FAM227B: variants seen among roughly 807,000 people sequenced by gnomAD.
FAM227B encodes protein FAM227B.
In FAM227B, 88 loss-of-function variants were observed where a neutral mutation model predicts 73.8. That is an observed-to-expected ratio of 1.19 (90% CI 1.00 to 1.42). The LOEUF (loss-of-function observed/expected upper bound fraction) is 1.42, where lower values mean the gene tolerates loss of function less well. FAM227B is among the 40% of genes most tolerant of loss of function. The pLI is 0.00. For missense variants in FAM227B, 632 were observed against 590.9 expected, an observed-to-expected ratio of 1.07 and a Z score of -0.72; for synonymous variants, 210 against 190.5, an observed-to-expected ratio of 1.10 and a Z score of -0.84.
intron 3 of FAM227B, among the ~76,000 whole-genome samples, chr15:49,599,460 T>C (rs2077062880): frequency 6.6e-6 from 1 of 152,132 alleles, no homozygotes; most frequent in Non-Finnish European, 1.5e-5. Flanking sequence ...ATCTTTGTTA[T>C]TTCCTTCCTT....
At chr15:49,365,951 C>G in intron 13 of FAM227B, 1 of 893,950 alleles carries the variant, frequency 1.1e-6, no homozygotes, top group Admixed American at 1.7e-5. Context: ...ATAACATAAA[C>G]TAACCATTTG....
intron 11 of FAM227B, among the ~76,000 whole-genome samples, chr15:49,384,648 T>C (rs193009694): frequency 1.6e-4 from 24 of 152,138 alleles, no homozygotes; most frequent in Admixed American, 1.6e-3. Flanking sequence ...CAGATTGGCA[T>C]TGTTTTCATT....
At position 49,588,035 on chromosome 15, in the gene FAM227B, T is replaced by C. The variant is rs1400392324; in HGVS notation, c.386A>G (p.His129Arg). Reference sequence around the variant, plus strand: ...CCATACCATTATCTTTTTTTTCTTATGGTACTTCTTTAGAAATTCCCCATA... The same window carrying C: ...CCATACCATTATCTTTTTTTTCTTACGGTACTTCTTTAGAAATTCCCCATA... ...ERYGEFLKKY[H>R]KKKKIMLSDE... Residue 129 changes from histidine (H) to arginine (R), a missense_variant, in exon 5 of 16, where the codon CAT becomes CGT. By Grantham distance (29) the His-to-Arg change is conservative. Coordinates refer to ENST00000299338, the MANE Select transcript of FAM227B (RefSeq NM_152647.3). 5.5e-6 allele frequency: 8 copies of C among 1,449,350 alleles called. No individual in the cohort carries two copies. Among genetic ancestry groups the C allele is most frequent in the East Asian group, 2.5e-5 (1 of 39,510 alleles). The allele number at this position is 1,449,350 out of a possible 1,614,324, so 89.8% of individuals were successfully genotyped here.
At chr15:49,595,073 T>C (rs2076812564) in intron 3 of FAM227B, among the ~76,000 whole-genome samples, 2 of 152,158 alleles carry the variant, frequency 1.3e-5, no homozygotes, top group African/African-American at 2.4e-5. Flanking sequence ...TGTGTTTCCA[T>C]TTGTTTGTGT....
chr15:49,504,033 C>T (rs186874249), intron 11 of FAM227B, among the ~76,000 whole-genome samples: 2,606 of 152,096 alleles, frequency 0.017, 36 homozygotes, highest in Middle Eastern at 0.037. Context: ...AGCCAAATGT[C>T]CAACAATGAT....
chr15:49,360,763 A>G (rs1249713468), intron 13 of FAM227B, among the ~76,000 whole-genome samples: 2 of 152,334 alleles, frequency 1.3e-5, no homozygotes, highest in African/African-American at 2.4e-5. Context: ...TTATATTTAA[A>G]TGTTCTGCTA....
intron 3 of FAM227B, among the ~76,000 whole-genome samples, chr15:49,604,833 C>T (rs1598502848): frequency 6.6e-6 from 1 of 151,850 alleles, no homozygotes; most frequent in South Asian, 2.1e-4. Flanking sequence ...GCTGTTGAAG[C>T]TTTCTATGGA....
chr15:49,604,327 G>C (rs938112458), intron 3 of FAM227B, among the ~76,000 whole-genome samples: 1 of 150,746 alleles, frequency 6.6e-6, no homozygotes, highest in African/African-American at 2.5e-5. Flanking sequence ...AGCCTTGCCA[G>C]GTTATCAAAT....
At chr15:49,482,783 T>C (rs1350317266) in intron 11 of FAM227B, among the ~76,000 whole-genome samples, 2 of 152,072 alleles carry the variant, frequency 1.3e-5, no homozygotes, top group African/African-American at 4.8e-5. Flanking sequence ...AATGAGTTAA[T>C]ACATAAGAGC....
At position 49,508,274 on chromosome 15, in the gene FAM227B, T is replaced by G. The variant is rs772835002; in HGVS notation, c.949A>C (p.Lys317Gln). 4 of 1,611,512 alleles carry G rather than the reference T, an allele frequency of 2.5e-6. No homozygotes were observed. The highest frequency in any genetic ancestry group is 3.4e-6 in the Non-Finnish European group (4 of 1,178,854). Residue 317 changes from lysine (K) to glutamine (Q), a missense_variant, in exon 11 of 16, where the codon AAA becomes CAA. Lys to Gln is a moderately conservative substitution (Grantham distance 53). Transcript: ENST00000299338. Reference protein sequence around the residue: ...ELSTTTIHGSKKAPAKSVKER... With the variant: ...ELSTTTIHGSQKAPAKSVKER... ...TTTACTGATTTTGCAGGTGCTTTTT[T>G]GCTACCATGAATGGTGGTTGTGGAG... is the stretch of plus-strand genomic sequence containing the variant.
chr15:49,491,277 A>C (rs760342108), intron 11 of FAM227B, among the ~76,000 whole-genome samples: 2 of 151,770 alleles, frequency 1.3e-5, no homozygotes, highest in African/African-American at 2.4e-5. Context: ...ATACTGCCTA[A>C]TTCTTTAATC....
intron 10 of FAM227B, among the ~76,000 whole-genome samples, chr15:49,537,710 G>A (rs918867504): frequency 1.3e-5 from 2 of 152,120 alleles, no homozygotes; most frequent in African/African-American, 4.8e-5. Context: ...TTTGGTGTAT[G>A]TGTAAAACAG....
At position 49,339,062 on chromosome 15, in the gene FAM227B, T is replaced by C. The variant is rs942116037; in HGVS notation, c.1272-3566A>G. 2.0e-5 allele frequency among the ~76,000 whole-genome samples: 3 copies of C among 152,330 alleles called. No individual in the cohort carries two copies. The East Asian group carries it at 5.8e-4, about 29-fold the overall frequency. ...TTTCAAGGTTCTTAGCTTGCTTGCA[T>C]TGGGTCAGAACATAACTCCTTTAGC... is the stretch of plus-strand genomic sequence containing the variant. On this transcript the variant is annotated intron_variant, in intron 13 of 15. Transcript: ENST00000299338.
chr15:49,434,997 G>T (rs990246940), intron 11 of FAM227B, among the ~76,000 whole-genome samples: 1 of 151,306 alleles, frequency 6.6e-6, no homozygotes, highest in African/African-American at 2.4e-5. Flanking sequence ...ATGATAAACA[G>T]TATGTTGTGT....
chr15:49,446,657 G>C lies in FAM227B; in HGVS notation c.1012+61554C>G, dbSNP rs1385065945. On this transcript the variant is annotated intron_variant, in intron 11 of 15. Coordinates refer to ENST00000299338, the MANE Select transcript of FAM227B (RefSeq NM_152647.3). The stretch of plus-strand genomic sequence containing the variant: ...TGCAGATGCATTAGGACAACAGTGA[G>C]GAATGGGGATCTCTGTCCTGTCTAG... 2.0e-5 allele frequency among the ~76,000 whole-genome samples: 3 copies of C among 151,438 alleles called. No homozygotes were observed. In the Admixed American group the frequency reaches 2.0e-4, roughly 10 times the overall value.
chr15:49,390,252 T>C (rs1321159147), intron 11 of FAM227B, among the ~76,000 whole-genome samples: 2 of 152,026 alleles, frequency 1.3e-5, no homozygotes, highest in African/African-American at 2.4e-5. Context: ...TTGGCTTGTA[T>C]GTATGAGTTA....
intron 11 of FAM227B, among the ~76,000 whole-genome samples, chr15:49,478,566 T>C (rs1286918647): frequency 2.0e-5 from 3 of 152,190 alleles, no homozygotes; most frequent in African/African-American, 4.8e-5. Context: ...TCTTTGTTGA[T>C]ACTAGTTCTT....
At chr15:49,493,795 C>T (rs1424354364) in intron 11 of FAM227B, among the ~76,000 whole-genome samples, 2 of 151,780 alleles carry the variant, frequency 1.3e-5, no homozygotes, top group African/African-American at 4.8e-5. Flanking sequence ...CACAAATACA[C>T]ACACACTTAT....
At chr15:49,329,284 A>C in intron 15 of FAM227B, 2 of 985,492 alleles carry the variant, frequency 2.0e-6, no homozygotes, top group Non-Finnish European at 2.4e-6. Flanking sequence ...ATGGCAAATG[A>C]CTGGCTTTCT....
Sources: gnomAD v4.1 joint callset for allele counts (sites outside exome capture counted in the v4.1 genomes callset) on GRCh38, gnomAD v4.1.1 for gene constraint, MANE v1.5 for transcripts, NCBI Gene and HGNC (gene_info 2026-07-23, HGNC 2026-07-21) for gene names.